Variants in C13orf46 observed in about 807,000 individuals in gnomAD.
The protein encoded by C13orf46 is chromosome 13 open reading frame 46.
At chr13:113,962,509 C>T (rs1175371474) in intron 6 of C13orf46, among the ~76,000 whole-genome samples, 2 of 152,230 alleles carry the variant, frequency 1.3e-5, no homozygotes, top group African/African-American at 2.4e-5. Context: ...TGAGGACTCT[C>T]GGCCTTCCTG....
At chr13:113,938,443 G>A in the C13orf46 span, among the ~76,000 whole-genome samples, 2 of 152,096 alleles carry the variant, frequency 1.3e-5, no homozygotes, top group Non-Finnish European at 2.9e-5. Flanking sequence ...CTTGGCCCAC[G>A]GCCCATCTTC....
the C13orf46 span, among the ~76,000 whole-genome samples, chr13:113,946,519 T>C: frequency 0.02 from 2,989 of 152,114 alleles, 104 homozygotes; most frequent in African/African-American, 0.067. Flanking sequence ...GTCAGCCGGG[T>C]GAGGTGGTCA....
intron 1 of C13orf46, among the ~76,000 whole-genome samples, chr13:113,972,538 C>T (rs1221226054): frequency 6.6e-6 from 1 of 152,198 alleles, no homozygotes; most frequent in East Asian, 1.9e-4. Context: ...GTGTCAGCCC[C>T]TCAGCCCTGT....
downstream of C13orf46, among the ~76,000 whole-genome samples, chr13:113,951,159 GA>G (rs1400054768): frequency 6.6e-6 from 1 of 152,194 alleles, no homozygotes; most frequent in Non-Finnish European, 1.5e-5. Context: ...GGGACGTAGT[GA>G]CAGCCCCGTC....
At chr13:113,939,162 T>TCTC in the C13orf46 span, among the ~76,000 whole-genome samples, 3 of 151,640 alleles carry the variant, frequency 2.0e-5, no homozygotes, top group African/African-American at 7.3e-5. Context: ...GCGTCCGGCT[T>TCTC]CTCACTCCTT....
At chr13:113,937,276 T>C in the C13orf46 span, among the ~76,000 whole-genome samples, 1 of 152,168 alleles carries the variant, frequency 6.6e-6, no homozygotes, top group Non-Finnish European at 1.5e-5. Context: ...TCCAAGTGAC[T>C]GTGCAGTGAC....
chr13:113,957,597 C>A (rs1251849146), intron 6 of C13orf46, among the ~76,000 whole-genome samples: 12 of 108,600 alleles, frequency 1.1e-4, no homozygotes, highest in Admixed American at 2.0e-4. Context: ...TGCACTCTGC[C>A]TGCACCCCCT....
chr13:113,939,876 G>A, the C13orf46 span, among the ~76,000 whole-genome samples: 2 of 152,342 alleles, frequency 1.3e-5, no homozygotes, highest in Non-Finnish European at 2.9e-5. Flanking sequence ...AGTCAAACAC[G>A]ATTCAGCGTG....
At chr13:113,949,112 T>C (rs939203189), downstream of C13orf46, among the ~76,000 whole-genome samples, 590 of 152,322 alleles carry the variant, frequency 3.9e-3, 9 homozygotes, top group East Asian at 0.048. Context: ...TAATCAATCA[T>C]ACCTGTGTAA....
the C13orf46 span, among the ~76,000 whole-genome samples, chr13:113,940,339 T>A: frequency 1.3e-5 from 2 of 152,088 alleles, no homozygotes; most frequent in African/African-American, 4.8e-5. Context: ...ACTGGCGGGG[T>A]GGATGCCAGC....
chr13:113,970,003 C>T (rs1435650295), intron 2 of C13orf46, among the ~76,000 whole-genome samples, 168 bp downstream of exon 2: 1 of 152,108 alleles, frequency 6.6e-6, no homozygotes, highest in Admixed American at 6.5e-5. Flanking sequence ...CCAGCCCTCC[C>T]ATCCAGGCCC....
At chr13:113,972,033 G>A (rs1009776550) in intron 1 of C13orf46, among the ~76,000 whole-genome samples, 1 of 152,130 alleles carries the variant, frequency 6.6e-6, no homozygotes, top group South Asian at 2.1e-4. Context: ...ACAGAAGCCC[G>A]GCCTCCCTGC....
the C13orf46 span, among the ~76,000 whole-genome samples, chr13:113,936,417 T>G: frequency 1.3e-5 from 2 of 152,182 alleles, no homozygotes; most frequent in African/African-American, 2.4e-5. Context: ...CCATTCCCAC[T>G]GGCTCAAAGG....
At chr13:113,962,836 C>T (rs1248972619) in intron 6 of C13orf46, among the ~76,000 whole-genome samples, 3 of 152,162 alleles carry the variant, frequency 2.0e-5, no homozygotes, top group African/African-American at 7.2e-5. Context: ...AAAAATAGAG[C>T]TGTACTTGGA....
chr13:113,968,057 T>C (rs990036715), intron 4 of C13orf46, among the ~76,000 whole-genome samples: 1 of 152,004 alleles, frequency 6.6e-6, no homozygotes, highest in African/African-American at 2.4e-5. Context: ...TGTGTTACCG[T>C]CCCCACCACA....
chr13:113,939,569 T>G, the C13orf46 span, among the ~76,000 whole-genome samples: 8 of 152,330 alleles, frequency 5.3e-5, no homozygotes, highest in Non-Finnish European at 1.0e-4. Context: ...CCACTCAGCC[T>G]GGTTCACACC....
At chr13:113,927,548 C>T in the C13orf46 span, 26 of 398,788 alleles carry the variant, frequency 6.5e-5, 1 homozygote, top group African/African-American at 3.5e-4. Context: ...GTCCCTTGCT[C>T]CACACACCCA....
At chr13:113,928,654 C>T in the C13orf46 span, 1 of 152,746 alleles carries the variant, frequency 6.5e-6, no homozygotes, top group East Asian at 1.9e-4. Context: ...AGAAGCATGT[C>T]CACCTCACCA....
the C13orf46 span, among the ~76,000 whole-genome samples, chr13:113,944,692 C>A: frequency 2.0e-5 from 1 of 50,322 alleles, no homozygotes; most frequent in Non-Finnish European, 4.1e-5. Context: ...GACAAGTCCT[C>A]CAGGTGTGTG....
Sources: allele counts gnomAD v4.1 joint callset (sites outside exome capture counted in the v4.1 genomes callset), GRCh38; gene constraint gnomAD v4.1.1; transcripts MANE v1.5; gene names NCBI Gene and HGNC (gene_info 2026-07-23, HGNC 2026-07-21).